Variants in GRM5 observed in about 807,000 individuals in gnomAD.
GRM5 encodes the protein glutamate metabotropic receptor 5.
GRM5 carries 19 observed loss-of-function variants against 83.1 expected under a neutral mutation model. That is an observed-to-expected ratio of 0.23 (90% CI 0.16 to 0.34). The LOEUF is 0.34. Among genes scored for constraint, GRM5 ranks in the 10% least tolerant of loss-of-function variants. The pLI is 1.00. For missense variants in GRM5, 1,160 were observed against 1,588.3 expected, an observed-to-expected ratio of 0.73 and a Z score of 4.58; for synonymous variants, 675 against 633.6, an observed-to-expected ratio of 1.07 and a Z score of -0.98.
intron 1 of GRM5, chr11:89,063,701 G>C (rs967123431): frequency 6.6e-6 from 1 of 152,244 alleles, no homozygotes; most frequent in Non-Finnish European, 1.5e-5. Flanking sequence ...GGGATGGGGG[G>C]AAGGGGAGAG....
At chr11:88,853,586 GAC>G (rs1352940148) in intron 2 of GRM5, among the ~76,000 whole-genome samples, 1 of 123,590 alleles carries the variant, frequency 8.1e-6, no homozygotes, top group Non-Finnish European at 1.8e-5. Context: ...TTTTTAAAAA[GAC>G]ATATTCATAT....
rs199556154 is a variant in GRM5, at chr11:89,047,567, C to T, written c.306G>A (p.Ser102=). The change falls in exon 2 of 10, where the codon TCG becomes TCA. Residue 102 remains serine (S), a synonymous_variant. Transcript: ENST00000305447. This position sits in a 1 kb window ranked among gnomAD's most constrained non-coding sequence, Gnocchi z 5.1. The part of the protein sequence containing the change: ...GCEIRDSCWH[S]AVALEQSIEF... Reference sequence around the variant, plus strand: ...CAATGCTCTGCTCTAGGGCCACAGCCGAATGCCAGCAGGAGTCCCTTATCT... The same window carrying T: ...CAATGCTCTGCTCTAGGGCCACAGCTGAATGCCAGCAGGAGTCCCTTATCT... 4.3e-6 allele frequency: 7 copies of T among 1,614,112 alleles called. No homozygotes were observed. Among genetic ancestry groups the T allele is most frequent in the South Asian group, 1.1e-5 (1 of 91,080 alleles).
chr11:89,065,216 T>G (rs1374079709), intron 1 of GRM5, among the ~76,000 whole-genome samples: 2 of 151,122 alleles, frequency 1.3e-5, no homozygotes, highest in Admixed American at 1.3e-4. Context: ...CTCAAACACC[T>G]AATGGGCTCA....
At chr11:88,987,367 G>T (rs112776392) in intron 2 of GRM5, among the ~76,000 whole-genome samples, 2 of 152,092 alleles carry the variant, frequency 1.3e-5, no homozygotes, top group African/African-American at 2.4e-5. Flanking sequence ...CTACGCCCAC[G>T]GAGTCTCACT....
intron 3 of GRM5, among the ~76,000 whole-genome samples, chr11:88,806,912 A>G (rs1405517003): frequency 1.3e-5 from 2 of 152,184 alleles, no homozygotes. Context: ...GATATTGCTT[A>G]AATTTTAAAA....
intron 3 of GRM5, among the ~76,000 whole-genome samples, chr11:88,813,768 T>C (rs1222385712): frequency 6.6e-6 from 1 of 152,190 alleles, no homozygotes; most frequent in Non-Finnish European, 1.5e-5. Flanking sequence ...CATATAAAGA[T>C]TCATATAAAA....
chr11:88,863,263 T>C (rs572833451), intron 2 of GRM5, among the ~76,000 whole-genome samples: 1 of 152,198 alleles, frequency 6.6e-6, no homozygotes, highest in South Asian at 2.1e-4. Flanking sequence ...TTACTGAGTA[T>C]ATACCCAAAG....
intron 4 of GRM5, among the ~76,000 whole-genome samples, chr11:88,622,245 C>T (rs1396821255): frequency 6.6e-6 from 1 of 152,182 alleles, no homozygotes; most frequent in Non-Finnish European, 1.5e-5. Context: ...GTAGCCCTCA[C>T]AGCAAACACA....
At chr11:88,743,374 G>A (rs1021620866) in intron 3 of GRM5, among the ~76,000 whole-genome samples, 2 of 152,136 alleles carry the variant, frequency 1.3e-5, no homozygotes, top group Non-Finnish European at 2.9e-5. Context: ...GGAAAGTGGT[G>A]AGCAGATGAT....
intron 7 of GRM5, among the ~76,000 whole-genome samples, chr11:88,568,866 A>T (rs1942926257): frequency 6.6e-6 from 1 of 152,218 alleles, no homozygotes; most frequent in Non-Finnish European, 1.5e-5. Context: ...TTTATAAGAA[A>T]ACTGACCCCA....
intron 6 of GRM5, among the ~76,000 whole-genome samples, chr11:88,596,199 G>A (rs1937800632): frequency 6.6e-6 from 1 of 152,186 alleles, no homozygotes; most frequent in Non-Finnish European, 1.5e-5. Context: ...CATCAAATTG[G>A]TTGTCAGCCT....
intron 3 of GRM5, among the ~76,000 whole-genome samples, chr11:88,835,090 T>C (rs1247383429): frequency 3.9e-5 from 6 of 152,062 alleles, no homozygotes; most frequent in South Asian, 4.1e-4. Flanking sequence ...TATATTCTAG[T>C]GTAAGAGGGA....
intron 9 of GRM5, among the ~76,000 whole-genome samples, chr11:88,524,899 T>C (rs1040654651): frequency 1.3e-5 from 2 of 152,216 alleles, no homozygotes; most frequent in African/African-American, 4.8e-5. Context: ...CTTCCTTCAA[T>C]AGTAATCCTT....
At chr11:88,796,989 C>G (rs561575592) in intron 3 of GRM5, among the ~76,000 whole-genome samples, 1 of 150,872 alleles carries the variant, frequency 6.6e-6, no homozygotes, top group South Asian at 2.1e-4. Context: ...TGGATAATTT[C>G]TTAGTACAGA....
chr11:88,789,432 G>C (rs1352190347), intron 3 of GRM5, among the ~76,000 whole-genome samples: 1 of 151,842 alleles, frequency 6.6e-6, no homozygotes, highest in Non-Finnish European at 1.5e-5. Context: ...TTTCGGTAAG[G>C]CTTATCTGTA....
rs189742355 is a variant in GRM5, at chr11:88,789,087, C to T, written c.911+60819G>A. On this transcript the variant is annotated intron_variant, in intron 3 of 9. Coordinates refer to ENST00000305447, the MANE Select transcript of GRM5 (RefSeq NM_001143831.3). ...TATAGTTACAGGAAAGATCACTAGG[C>T]TAAAAATTAGGAGAATCGTGTTCTA... 4.5e-4 allele frequency among the ~76,000 whole-genome samples: 68 copies of T among 152,274 alleles called. 1 individual carries two copies. Among genetic ancestry groups the T allele is most frequent in the African/African-American group, 1.5e-3 (61 of 41,570 alleles).
chr11:88,923,446 C>T (rs996995132), intron 2 of GRM5, among the ~76,000 whole-genome samples: 1 of 151,992 alleles, frequency 6.6e-6, no homozygotes, highest in Non-Finnish European at 1.5e-5. Flanking sequence ...ATAAGCCAAG[C>T]ACAGAAAGAC....
Position 88,990,887 on chromosome 11 carries a change from C to A in GRM5, c.661+56325G>T, listed in dbSNP as rs1939940830. Among the ~76,000 whole-genome samples the A allele has an allele frequency of 2.6e-5, 4 of 152,118 alleles. No homozygotes were observed. In the South Asian group the frequency reaches 8.3e-4, roughly 32 times the overall value. On this transcript the variant is annotated intron_variant, in intron 2 of 9. Transcript: ENST00000305447. ...TCAAAATAATAAGAGCTATCTATGA[C>A]AAACCCACAGCCAATATCGTACTGA...
chr11:88,774,434 C>G (rs958482090), intron 3 of GRM5, among the ~76,000 whole-genome samples: 1 of 152,100 alleles, frequency 6.6e-6, no homozygotes, highest in Non-Finnish European at 1.5e-5. Flanking sequence ...AATTGAATAC[C>G]CTTTATTTCT....
Sources: gnomAD v4.1 joint callset for allele counts (sites outside exome capture counted in the v4.1 genomes callset) on GRCh38, gnomAD v4.1.1 for gene constraint, Gnocchi (gnomAD v3.1) non-coding constraint, MANE v1.5 for transcripts, NCBI Gene and HGNC (gene_info 2026-07-23, HGNC 2026-07-21) for gene names.